The following CKMT2 variants were observed in gnomAD, a reference collection of about 807,000 sequenced individuals.
CKMT2 encodes creatine kinase S-type, mitochondrial.
In CKMT2, 43 loss-of-function variants were observed where a neutral mutation model predicts 48.9. That is an observed-to-expected ratio of 0.88 (90% confidence interval 0.69 to 1.13). CKMT2 has a LOEUF of 1.13. CKMT2 is among the 50% of genes most tolerant of loss of function. The probability of loss-of-function intolerance (pLI) is 0.00; values close to 1 mark genes in which losing one functional copy is unlikely to be tolerated. For missense variants in CKMT2, 472 were observed against 555.4 expected, an observed-to-expected ratio of 0.85 and a Z score of 1.51; for synonymous variants, 206 against 213.0, an observed-to-expected ratio of 0.97 and a Z score of 0.29.
At chr5:81,261,688 TAAAAG>T (rs1757230117) in intron 8 of CKMT2, among the ~76,000 whole-genome samples, 1 of 151,886 alleles carries the variant, frequency 6.6e-6, no homozygotes, top group Non-Finnish European at 1.5e-5. Context: ...TACTCAGAAA[TAAAAG>T]AGGAGACAAA....
chr5:81,266,008 T>G, intron 9 of CKMT2, 131 bp from the exon 10 acceptor site: 1 of 722,386 alleles, frequency 1.4e-6, no homozygotes, highest in Non-Finnish European at 2.3e-6. Flanking sequence ...CTTCCATTTC[T>G]GAGAAGGAAG....
At chr5:81,234,011 G>A (rs1474328036) in intron 1 of CKMT2, among the ~76,000 whole-genome samples, 15 of 127,470 alleles carry the variant, frequency 1.2e-4, no homozygotes, top group African/African-American at 2.1e-4. Context: ...CTTTCCCACC[G>A]GAGGTTAATT....
chr5:81,254,895 C>A (rs959458250), intron 4 of CKMT2, 98 bp from the exon 5 acceptor site: 2 of 995,876 alleles, frequency 2.0e-6, no homozygotes, highest in Non-Finnish European at 3.2e-6. Flanking sequence ...GCCTGAGGGT[C>A]CCCAGGGAAA....
At position 81,266,370 on chromosome 5, in the gene CKMT2, A is replaced by ATCTT; in HGVS notation, c.*114_*117dup. The ATCTT allele has an allele frequency of 9.9e-7, 1 of 1,010,042 alleles. No individual in the cohort carries two copies. Among genetic ancestry groups the ATCTT allele is most frequent in the South Asian group, 1.7e-5 (1 of 57,764 alleles). 62.6% of individuals were successfully genotyped at this position (1,010,042 alleles called of 1,614,324 possible). ...AAATATAAAATTGTAGATCCTGCCT[A>ATCTT]TCTTTACAATAAAACTCTCCTTAAT... is the stretch of plus-strand genomic sequence containing the variant. On this transcript the variant is annotated 3_prime_UTR_variant, in exon 10 of 10. Coordinates refer to ENST00000254035, the MANE Select transcript of CKMT2 (RefSeq NM_001099735.2).
intron 3 of CKMT2, among the ~76,000 whole-genome samples, chr5:81,254,015 C>T (rs774501655): frequency 2.0e-5 from 3 of 152,172 alleles, no homozygotes; most frequent in Non-Finnish European, 2.9e-5. Context: ...AGCCTCTGAT[C>T]AGGTAGCTTC....
At chr5:81,243,758 C>T (rs1483279522) in intron 1 of CKMT2, among the ~76,000 whole-genome samples, 4 of 151,654 alleles carry the variant, frequency 2.6e-5, no homozygotes, top group Non-Finnish European at 5.9e-5. Context: ...GGTGTGATCT[C>T]GCCTCACTGC....
chr5:81,236,053 A>T (rs1461333199), intron 1 of CKMT2: 2 of 152,340 alleles, frequency 1.3e-5, no homozygotes, highest in South Asian at 2.1e-4. Flanking sequence ...CCTGGCAGGC[A>T]CATTGAGCAC....
intron 1 of CKMT2, among the ~76,000 whole-genome samples, chr5:81,249,390 T>C (rs1271163788): frequency 6.6e-6 from 1 of 152,180 alleles, no homozygotes; most frequent in South Asian, 2.1e-4. Context: ...CCATACACTC[T>C]TTATTTGGGC....
Position 81,255,049 on chromosome 5 carries a change from C to G in CKMT2, c.504C>G (p.Gly168=). ...TGCTGTCTTCTCGGGTGCGCACTGGCCGCAGCATCCGTGGGCTGAGCCTGC... is the reference window on the plus strand; with the variant it reads ...TGCTGTCTTCTCGGGTGCGCACTGGGCGCAGCATCCGTGGGCTGAGCCTGC... ...HYVLSSRVRT[G]RSIRGLSLPP... Residue 168 remains glycine, a synonymous_variant, in exon 5 of 10, where the codon GGC becomes GGG. Coordinates refer to ENST00000254035, the MANE Select transcript of CKMT2 (RefSeq NM_001099735.2). The G allele has an allele frequency of 6.2e-7, 1 of 1,613,952 alleles. No homozygotes were observed. Among genetic ancestry groups the G allele is most frequent in the Non-Finnish European group, 8.5e-7 (1 of 1,180,000 alleles).
chr5:81,260,685 T>C (rs1350752443), intron 8 of CKMT2, among the ~76,000 whole-genome samples: 3 of 152,214 alleles, frequency 2.0e-5, no homozygotes, highest in Admixed American at 2.0e-4. Context: ...AATCTCTGAA[T>C]AGACCAAAAA....
chr5:81,255,968 G>A (rs1561284684), intron 5 of CKMT2, among the ~76,000 whole-genome samples: 2 of 152,112 alleles, frequency 1.3e-5, no homozygotes, highest in Non-Finnish European at 2.9e-5. Flanking sequence ...TCACCACCCT[G>A]GTTTCCTGCT....
intron 1 of CKMT2, chr5:81,244,620 C>T (rs546062014): frequency 2.6e-5 from 4 of 152,256 alleles, no homozygotes; most frequent in African/African-American, 4.8e-5. Flanking sequence ...CCTGAGTGGA[C>T]GAGTATACCA....
At chr5:81,257,050 G>T (rs754205167) in intron 6 of CKMT2, 50 bp downstream of exon 6, 1 of 1,473,672 alleles carries the variant, frequency 6.8e-7, no homozygotes, top group Non-Finnish European at 9.4e-7. Context: ...GGATGTTTTT[G>T]AGATCACCTG....
At chr5:81,245,687 T>C (rs1367383721) in intron 1 of CKMT2, among the ~76,000 whole-genome samples, 1 of 152,142 alleles carries the variant, frequency 6.6e-6, no homozygotes, top group African/African-American at 2.4e-5. Context: ...ATGAAGCCTT[T>C]GAAAGAGTCC....
intron 7 of CKMT2, 48 bp downstream of exon 7, chr5:81,257,904 C>T (rs142056153): frequency 4.2e-5 from 66 of 1,555,112 alleles, no homozygotes; most frequent in African/African-American, 3.9e-4. Flanking sequence ...ATAAAATTAC[C>T]GTATTGTTTG....
At chr5:81,234,631 A>G (rs1169309561) in intron 1 of CKMT2, among the ~76,000 whole-genome samples, 1 of 152,186 alleles carries the variant, frequency 6.6e-6, no homozygotes, top group East Asian at 1.9e-4. Context: ...AGGCACTGTC[A>G]CAGCAAAGCA....
intron 8 of CKMT2, among the ~76,000 whole-genome samples, chr5:81,262,791 C>T (rs1757268057): frequency 6.6e-6 from 1 of 152,126 alleles, no homozygotes; most frequent in Non-Finnish European, 1.5e-5. Context: ...GGATCTAGAA[C>T]CAGAAATACC....
At chr5:81,252,414 G>C (rs928352560) in intron 2 of CKMT2, 5 of 460,260 alleles carry the variant, frequency 1.1e-5, no homozygotes, top group African/African-American at 9.9e-5. Context: ...GGGTAAGACA[G>C]CACCCAATTT....
chr5:81,239,021 T>C (rs1047306981), intron 1 of CKMT2: 1 of 152,146 alleles, frequency 6.6e-6, no homozygotes, highest in African/African-American at 2.4e-5. Flanking sequence ...GATGGATGGA[T>C]AGATGGACAA....
Sources: allele counts gnomAD v4.1 joint callset (sites outside exome capture counted in the v4.1 genomes callset), GRCh38; gene constraint gnomAD v4.1.1; transcripts MANE v1.5; gene names NCBI Gene and HGNC (gene_info 2026-07-23, HGNC 2026-07-21).